PRELID2: variants seen among roughly 807,000 people sequenced by gnomAD.
The protein encoded by PRELID2 is PRELI domain-containing protein 2.
A neutral mutation model predicts 28.4 loss-of-function variants in PRELID2; 25 were observed. That is an observed-to-expected ratio of 0.88 (90% CI 0.64 to 1.23). The LOEUF (loss-of-function observed/expected upper bound fraction) is 1.23, where lower values mean the gene tolerates loss of function less well. PRELID2 is among the 50% of genes most tolerant of loss of function. PRELID2 has a pLI of 0.00. For missense variants in PRELID2, 201 were observed against 214.4 expected, an observed-to-expected ratio of 0.94 and a Z score of 0.39; for synonymous variants, 76 against 71.6, an observed-to-expected ratio of 1.06 and a Z score of -0.31.
At chr5:145,460,757 C>G in the PRELID2 span, among the ~76,000 whole-genome samples, 145 of 152,312 alleles carry the variant, frequency 9.5e-4, no homozygotes, top group Middle Eastern at 6.8e-3. Context: ...GGATTTAATT[C>G]ATATCCTGAG....
the PRELID2 span, among the ~76,000 whole-genome samples, chr5:145,314,418 G>T: frequency 6.6e-6 from 1 of 152,088 alleles, no homozygotes; most frequent in Non-Finnish European, 1.5e-5. Context: ...AAAGAGCAAA[G>T]TCTGTTTCAA....
chr5:145,768,027 C>T (rs541144279), intron 5 of PRELID2, among the ~76,000 whole-genome samples: 5 of 151,996 alleles, frequency 3.3e-5, no homozygotes, highest in East Asian at 1.9e-4. Context: ...GAGATGGAGA[C>T]CATCCTGGCC....
At chr5:145,771,258 T>G (rs1758087571) in intron 5 of PRELID2, among the ~76,000 whole-genome samples, 1 of 152,122 alleles carries the variant, frequency 6.6e-6, no homozygotes, top group South Asian at 2.1e-4. Context: ...ATTTATAGCC[T>G]AGGAACAACT....
chr5:145,619,135 A>G (rs1753739970), intron 1 of PRELID2, among the ~76,000 whole-genome samples: 1 of 152,126 alleles, frequency 6.6e-6, no homozygotes, highest in Non-Finnish European at 1.5e-5. Context: ...AAAAGGCCTT[A>G]GTTCTTCCCC....
intron 1 of PRELID2, among the ~76,000 whole-genome samples, chr5:145,676,651 TGCTA>T (rs1443370537): frequency 6.6e-6 from 1 of 152,208 alleles, no homozygotes; most frequent in Non-Finnish European, 1.5e-5. Context: ...AGAAACCAGT[TGCTA>T]CTATCATGAC....
At chr5:145,621,902 G>A (rs1753779291) in intron 1 of PRELID2, among the ~76,000 whole-genome samples, 2 of 151,972 alleles carry the variant, frequency 1.3e-5, no homozygotes, top group Non-Finnish European at 2.9e-5. Flanking sequence ...ACTCTATTTG[G>A]TCATCACACA....
At chr5:145,362,938 G>A in the PRELID2 span, among the ~76,000 whole-genome samples, 1 of 151,760 alleles carries the variant, frequency 6.6e-6, no homozygotes, top group Non-Finnish European at 1.5e-5. Flanking sequence ...ACCACACCAT[G>A]GGTCACCCTA....
chr5:145,722,425 G>A (rs1023198173), intron 1 of PRELID2, among the ~76,000 whole-genome samples: 2 of 152,150 alleles, frequency 1.3e-5, no homozygotes, highest in South Asian at 4.1e-4. Context: ...TCAGTCTCCA[G>A]ACTAGCTGGG....
chr5:145,298,145 A>G, the PRELID2 span, among the ~76,000 whole-genome samples: 2 of 152,204 alleles, frequency 1.3e-5, no homozygotes, highest in African/African-American at 4.8e-5. Flanking sequence ...GAACCAAAAA[A>G]GAGCCCGCAT....
In PRELID2 at chr5:145,662,807, C is replaced by G. The variant is rs141934140; in HGVS notation, n.70+102124G>C. 4.4e-3 allele frequency among the ~76,000 whole-genome samples: 671 copies of G among 152,090 alleles called. 3 individuals carry two copies. Among genetic ancestry groups the G allele is most frequent in the Middle Eastern group, 0.02 (6 of 294 alleles). On this transcript the variant is annotated intron_variant and non_coding_transcript_variant, in intron 1 of 2. Transcript: ENST00000510259. ...CAAAAAGGCTCTTACGAGATGCGGC[C>G]CCTCACCCTTTGACTTCTCAGCCTC...
downstream of PRELID2, among the ~76,000 whole-genome samples, chr5:145,467,500 A>C (rs1192025859): frequency 6.6e-6 from 1 of 152,190 alleles, no homozygotes; most frequent in African/African-American, 2.4e-5. Context: ...TTTTAAAATA[A>C]AATGTAGGTC....
At chr5:145,737,990 A>G (rs1320374176) in intron 1 of PRELID2, among the ~76,000 whole-genome samples, 1 of 152,188 alleles carries the variant, frequency 6.6e-6, no homozygotes, top group African/African-American at 2.4e-5. Context: ...GACTTTCCCC[A>G]AACCCATAGT....
the PRELID2 span, among the ~76,000 whole-genome samples, chr5:145,336,680 CTA>C: frequency 1.3e-5 from 2 of 151,940 alleles, no homozygotes; most frequent in African/African-American, 4.8e-5. Context: ...TATTGCAGCA[CTA>C]TTCACAATAG....
intron 1 of PRELID2, among the ~76,000 whole-genome samples, chr5:145,591,644 C>A (rs1753230607): frequency 1.3e-5 from 2 of 151,910 alleles, no homozygotes; most frequent in African/African-American, 4.8e-5. Context: ...GAATTTTTTT[C>A]ATAAAAAAGC....
At chr5:145,820,643 C>T (rs1359520832) in intron 2 of PRELID2, among the ~76,000 whole-genome samples, 1 of 152,034 alleles carries the variant, frequency 6.6e-6, no homozygotes, top group East Asian at 1.9e-4. Context: ...CTATTGTTAC[C>T]GGCAGCAAAC....
chr5:145,349,670 T>C, the PRELID2 span, among the ~76,000 whole-genome samples: 1 of 152,150 alleles, frequency 6.6e-6, no homozygotes, highest in Non-Finnish European at 1.5e-5. Flanking sequence ...GTTAACTTTA[T>C]ATTATGCATT....
At chr5:145,814,072 G>GT (rs1033092754) in intron 4 of PRELID2, among the ~76,000 whole-genome samples, 4 of 152,024 alleles carry the variant, frequency 2.6e-5, no homozygotes, top group African/African-American at 9.7e-5. Flanking sequence ...CTCAGAACTG[G>GT]TTTTTTTACA....
chr5:145,246,286 T>C, the PRELID2 span, among the ~76,000 whole-genome samples: 2 of 152,068 alleles, frequency 1.3e-5, no homozygotes, highest in African/African-American at 4.8e-5. Context: ...AGAGGAAAGT[T>C]TTAAAATCAC....
chr5:145,740,624 ATATTATATATATAAATATATATATT>A (rs1756654796), intron 1 of PRELID2, among the ~76,000 whole-genome samples: 1 of 11,826 alleles, frequency 8.5e-5, no homozygotes, highest in Non-Finnish European at 4.4e-4. Flanking sequence ...AAATATATAT[ATATTATATATATAAATATATATATT>A]TTATATATAA....
Sources: allele counts gnomAD v4.1 joint callset (sites outside exome capture counted in the v4.1 genomes callset), GRCh38; gene constraint gnomAD v4.1.1; transcripts MANE v1.5; gene names NCBI Gene and HGNC (gene_info 2026-07-23, HGNC 2026-07-21).